Variants in ZFAND3 observed in about 807,000 individuals in gnomAD.
ZFAND3 encodes AN1-type zinc finger protein 3.
A neutral mutation model predicts 29.6 loss-of-function variants in ZFAND3; 10 were observed. The ratio of observed to expected loss-of-function variants is 0.34; its 90% CI spans 0.21 to 0.57. The LOEUF (loss-of-function observed/expected upper bound fraction) is 0.57, where lower values mean the gene tolerates loss of function less well. Ranked by LOEUF, ZFAND3 falls within the 20% of genes least tolerant of loss-of-function variation. The probability of loss-of-function intolerance (pLI) is 0.86; values close to 1 mark genes in which losing one functional copy is unlikely to be tolerated. For synonymous variants in ZFAND3, 128 were observed against 112.6 expected (o/e 1.14, Z -0.87); for missense variants, 230 against 304.5 (o/e 0.76, Z 1.82).
At chr6:38,016,613 A>G (rs1217503328) in intron 2 of ZFAND3, among the ~76,000 whole-genome samples, 1 of 152,210 alleles carries the variant, frequency 6.6e-6, no homozygotes, top group Non-Finnish European at 1.5e-5. Flanking sequence ...TAAACTTACA[A>G]TTTTGCAGCA....
intron 1 of ZFAND3, among the ~76,000 whole-genome samples, chr6:37,894,362 C>T (rs2127397988): frequency 6.6e-6 from 1 of 150,424 alleles, no homozygotes; most frequent in Non-Finnish European, 1.5e-5. Context: ...TTCTCCTGCT[C>T]CTTGAAATCC....
At chr6:38,151,015 GCC>G (rs973954251) in intron 5 of ZFAND3, among the ~76,000 whole-genome samples, 9 of 152,328 alleles carry the variant, frequency 5.9e-5, no homozygotes, top group African/African-American at 2.2e-4. Flanking sequence ...TGTCTTCCTA[GCC>G]CTGATCTTGT....
At chr6:38,144,214 A>G (rs1247364011) in intron 5 of ZFAND3, among the ~76,000 whole-genome samples, 1 of 47,652 alleles carries the variant, frequency 2.1e-5, no homozygotes, top group African/African-American at 1.4e-4. Context: ...TATATATAAT[A>G]TATAATATAT....
intron 1 of ZFAND3, among the ~76,000 whole-genome samples, chr6:37,870,784 A>G (rs1302641636): frequency 6.6e-6 from 1 of 152,174 alleles, no homozygotes; most frequent in Non-Finnish European, 1.5e-5. Flanking sequence ...CCTGGGCTTC[A>G]GTGATCTGCT....
intron 5 of ZFAND3, among the ~76,000 whole-genome samples, chr6:38,132,992 G>A (rs1207188915): frequency 6.6e-6 from 1 of 152,188 alleles, no homozygotes; most frequent in African/African-American, 2.4e-5. Flanking sequence ...AGAGACCACA[G>A]AACTGATATT....
intron 5 of ZFAND3, among the ~76,000 whole-genome samples, chr6:38,130,411 C>T (rs372041971): frequency 6.6e-6 from 1 of 152,182 alleles, no homozygotes; most frequent in African/African-American, 2.4e-5. Context: ...GGAATGCTTT[C>T]AACTTTTCCC....
chr6:37,890,481 CT>C (rs1470474896), intron 1 of ZFAND3, among the ~76,000 whole-genome samples: 1 of 152,174 alleles, frequency 6.6e-6, no homozygotes, highest in Non-Finnish European at 1.5e-5. Flanking sequence ...CCCTTTATTT[CT>C]TTGAGATGTG....
intron 2 of ZFAND3, among the ~76,000 whole-genome samples, chr6:37,984,519 TTCCTCTA>T (rs1762632379): frequency 6.6e-6 from 1 of 152,222 alleles, no homozygotes; most frequent in Admixed American, 6.5e-5. Flanking sequence ...CCCTTGTGAG[TTCCTCTA>T]TAGTTGATGG....
At position 38,153,704 on chromosome 6, in the gene ZFAND3, A is replaced by G. The variant is rs1322410675; in HGVS notation, c.*1315A>G. Reference sequence around the variant, plus strand: ...GGGGTGGGCCTGGTTGCCCCATGTTAGGAAATCACTACCAGTCAGGTGGGG... The same window carrying G: ...GGGGTGGGCCTGGTTGCCCCATGTTGGGAAATCACTACCAGTCAGGTGGGG... On this transcript the variant is annotated 3_prime_UTR_variant, in exon 6 of 6. Coordinates refer to ENST00000287218, the MANE Select transcript of ZFAND3 (RefSeq NM_021943.3). The G allele has an allele frequency of 1.0e-6, 1 of 985,350 alleles. No homozygotes were observed. Among genetic ancestry groups the G allele is most frequent in the Non-Finnish European group, 1.2e-6 (1 of 829,918 alleles). The allele number at this position is 985,350 out of a possible 1,614,324, so 61.0% of individuals were successfully genotyped here.
At chr6:38,080,236 C>T (rs772940290) in intron 3 of ZFAND3, among the ~76,000 whole-genome samples, 2 of 151,716 alleles carry the variant, frequency 1.3e-5, no homozygotes, top group Non-Finnish European at 2.9e-5. Flanking sequence ...AGCAAACCAC[C>T]GTGGCACGTG....
chr6:38,091,498 T>A (rs4714126), intron 4 of ZFAND3, among the ~76,000 whole-genome samples: 5 of 117,582 alleles, frequency 4.3e-5, no homozygotes, highest in East Asian at 5.5e-4. Context: ...TTTTTTTTTT[T>A]TTGGTGGGGG....
intron 2 of ZFAND3, among the ~76,000 whole-genome samples, chr6:37,955,149 TTGTG>T (rs3047089): frequency 2.0e-5 from 3 of 148,838 alleles, no homozygotes; most frequent in Non-Finnish European, 3.0e-5. Flanking sequence ...CAACCAATTT[TTGTG>T]TGTGTGTGTG....
intron 2 of ZFAND3, among the ~76,000 whole-genome samples, chr6:37,933,101 A>G (rs1000861789): frequency 6.6e-6 from 1 of 152,264 alleles, no homozygotes; most frequent in Non-Finnish European, 1.5e-5. Context: ...TTTACAAGAC[A>G]ACATAAAGAT....
Position 37,963,821 on chromosome 6 carries a change from T to C in ZFAND3, c.112+33822T>C, listed in dbSNP as rs528456848. 8.5e-5 allele frequency among the ~76,000 whole-genome samples: 13 copies of C among 152,366 alleles called. No homozygotes were observed. In the South Asian group the frequency reaches 2.1e-3, roughly 24 times the overall value. On this transcript the variant is annotated intron_variant, in intron 2 of 5. Transcript: ENST00000287218. ...GTGTCAAGCCCTCTTAAGATCTCTC[T>C]ATTGGATATAGTACTCTCTCATACA...
intron 5 of ZFAND3, 85 bp from the exon 6 acceptor site, chr6:38,152,150 C>T (rs1326396070): frequency 7.6e-7 from 1 of 1,313,998 alleles, no homozygotes; most frequent in Non-Finnish European, 1.0e-6. Flanking sequence ...GCCCCTCCAT[C>T]CTCTGGACAA....
At chr6:37,965,221 T>C (rs558158103) in intron 2 of ZFAND3, among the ~76,000 whole-genome samples, 3 of 152,340 alleles carry the variant, frequency 2.0e-5, no homozygotes, top group African/African-American at 7.2e-5. Flanking sequence ...TTCTAAATTC[T>C]ACCCTTAATT....
intron 1 of ZFAND3, among the ~76,000 whole-genome samples, chr6:37,856,600 T>A (rs747476756): frequency 2.0e-5 from 3 of 152,202 alleles, no homozygotes; most frequent in Non-Finnish European, 4.4e-5. Context: ...TGTATTTACT[T>A]TAGGTTGTCT....
intron 1 of ZFAND3, among the ~76,000 whole-genome samples, chr6:37,877,371 TG>T (rs1182211053): frequency 6.6e-6 from 1 of 152,224 alleles, no homozygotes; most frequent in Non-Finnish European, 1.5e-5. Flanking sequence ...TTTTTGTTTT[TG>T]TTTTTTAATT....
rs569216579 is a variant in ZFAND3, at chr6:37,860,291, A to T, written c.71+40275A>T. ...AAGAGGAATAATATTATAAAATATT[A>T]TGGTTTTAAAATGCATGGCCTCCAG... On this transcript the variant is annotated intron_variant, in intron 1 of 5. Coordinates refer to ENST00000287218, the MANE Select transcript of ZFAND3 (RefSeq NM_021943.3). 1.5e-3 allele frequency among the ~76,000 whole-genome samples: 226 copies of T among 150,632 alleles called. 1 individual carries two copies. The highest frequency in any genetic ancestry group is 5.2e-3 in the African/African-American group (212 of 40,984).
Sources: allele counts gnomAD v4.1 joint callset (sites outside exome capture counted in the v4.1 genomes callset), GRCh38; gene constraint gnomAD v4.1.1; transcripts MANE v1.5; gene names NCBI Gene and HGNC (gene_info 2026-07-23, HGNC 2026-07-21).